The following MTUS2 variants were observed in gnomAD, a reference collection of about 807,000 sequenced individuals.
MTUS2 encodes the protein microtubule associated scaffold protein 2.
MTUS2 carries 40 observed loss-of-function variants against 114.1 expected under a neutral mutation model. The ratio of observed to expected loss-of-function variants is 0.35; its 90% confidence interval spans 0.27 to 0.46. The LOEUF is 0.46. Ranked by LOEUF, MTUS2 falls within the 20% of genes least tolerant of loss-of-function variation. MTUS2 has a pLI of 1.00. For synonymous variants in MTUS2, 688 were observed against 672.0 expected, an observed-to-expected ratio of 1.02 and a Z score of -0.37; for missense variants, 1,679 against 1,705.4, an observed-to-expected ratio of 0.98 and a Z score of 0.27.
At chr13:29,258,935 G>T (rs1897370178) in intron 5 of MTUS2, among the ~76,000 whole-genome samples, 1 of 152,260 alleles carries the variant, frequency 6.6e-6, no homozygotes. Context: ...CTGCCCTTCA[G>T]CCATGTGTTC....
intron 4 of MTUS2, among the ~76,000 whole-genome samples, chr13:29,072,537 T>C (rs1888989176): frequency 6.6e-6 from 1 of 152,226 alleles, no homozygotes; most frequent in South Asian, 2.1e-4. Context: ...AGACTTCTTA[T>C]GTCATCATAC....
intron 8 of MTUS2, among the ~76,000 whole-genome samples, chr13:29,391,880 A>G (rs1231328282): frequency 2.0e-5 from 3 of 151,948 alleles, no homozygotes; most frequent in African/African-American, 2.4e-5. Context: ...GCTCACACCT[A>G]TAATAGCACT....
intron 2 of MTUS2, among the ~76,000 whole-genome samples, chr13:28,971,840 A>G (rs1036226703): frequency 6.6e-6 from 1 of 152,222 alleles, no homozygotes; most frequent in African/African-American, 2.4e-5. Context: ...CAGGACACAA[A>G]TTGAGATGTT....
intron 2 of MTUS2, among the ~76,000 whole-genome samples, chr13:28,980,095 G>A (rs927709201): frequency 1.3e-5 from 2 of 152,104 alleles, no homozygotes; most frequent in African/African-American, 4.8e-5. Flanking sequence ...GATGAATTTT[G>A]AAAAGGAAGT....
intron 5 of MTUS2, among the ~76,000 whole-genome samples, chr13:29,209,912 A>G (rs1437290213): frequency 6.6e-6 from 1 of 152,156 alleles, no homozygotes; most frequent in East Asian, 1.9e-4. Context: ...TGCCTAGGCA[A>G]TTATCTTTTT....
At chr13:29,169,830 A>G (rs995608601) in intron 5 of MTUS2, among the ~76,000 whole-genome samples, 2 of 152,292 alleles carry the variant, frequency 1.3e-5, no homozygotes, top group Admixed American at 1.3e-4. Context: ...GGTAAAGGTG[A>G]TGGCAAGCGA....
At chr13:28,933,535 C>T (rs907439263) in intron 2 of MTUS2, among the ~76,000 whole-genome samples, 3 of 152,238 alleles carry the variant, frequency 2.0e-5, no homozygotes, top group Non-Finnish European at 4.4e-5. Context: ...GGTGTTTGGG[C>T]GCTATAACCT....
Position 28,826,973 on chromosome 13 carries a change from C to T in MTUS2, c.-316+6362C>T, listed in dbSNP as rs536283504. 1.7e-4 allele frequency among the ~76,000 whole-genome samples: 26 copies of T among 152,290 alleles called. No individual in the cohort carries two copies. In the South Asian group the frequency reaches 5.4e-3, roughly 32 times the overall value. ...TCATCCTGAATTAATTATCTTTGTG[C>T]TAAGCTGTTTGACATTACTCATTGA... On this transcript the variant is annotated intron_variant, in intron 1 of 15. Coordinates refer to ENST00000612955, the MANE Select transcript of MTUS2 (RefSeq NM_001033602.4).
intron 5 of MTUS2, among the ~76,000 whole-genome samples, chr13:29,154,031 G>A (rs921660145): frequency 5.3e-4 from 80 of 152,208 alleles, no homozygotes; most frequent in African/African-American, 1.9e-3. Flanking sequence ...AGGTGTTGGA[G>A]GGTGGTGCAT....
At chr13:29,234,724 A>T (rs1279178995) in intron 5 of MTUS2, among the ~76,000 whole-genome samples, 1 of 34,406 alleles carries the variant, frequency 2.9e-5, no homozygotes, top group Non-Finnish European at 5.3e-5. Context: ...ATAGTATAGC[A>T]TTTAGGTGGT....
At chr13:28,989,236 C>G (rs1884715974) in intron 2 of MTUS2, among the ~76,000 whole-genome samples, 1 of 152,126 alleles carries the variant, frequency 6.6e-6, no homozygotes, top group African/African-American at 2.4e-5. Context: ...CAGGCAGGCT[C>G]AGGAAAATGG....
intron 2 of MTUS2, among the ~76,000 whole-genome samples, chr13:28,952,198 T>TAC (rs958210338): frequency 4.5e-4 from 68 of 152,336 alleles, no homozygotes; most frequent in African/African-American, 1.5e-3. Context: ...GGTACAAAGA[T>TAC]ACGTAGGTAA....
intron 2 of MTUS2, among the ~76,000 whole-genome samples, chr13:28,963,660 C>T (rs1476327354): frequency 6.6e-6 from 1 of 152,136 alleles, no homozygotes; most frequent in Non-Finnish European, 1.5e-5. Context: ...TCACACAGTC[C>T]CCTATGCAGA....
intron 2 of MTUS2, among the ~76,000 whole-genome samples, chr13:28,895,264 G>A (rs1879197882): frequency 6.6e-6 from 1 of 152,200 alleles, no homozygotes; most frequent in African/African-American, 2.4e-5. Context: ...TTGGAAGAGA[G>A]CATGTCCTCT....
At chr13:29,159,356 C>T (rs1566038710) in intron 5 of MTUS2, among the ~76,000 whole-genome samples, 2 of 151,996 alleles carry the variant, frequency 1.3e-5, no homozygotes, top group Non-Finnish European at 2.9e-5. Context: ...TACACATAGA[C>T]ACATACATAC....
intron 8 of MTUS2, among the ~76,000 whole-genome samples, chr13:29,432,010 ATTTTTTTTTTTT>A (rs57182093): frequency 1.2e-5 from 1 of 81,038 alleles, no homozygotes; most frequent in Non-Finnish European, 2.5e-5. Context: ...ACGCTCAGCT[ATTTTTTTTTTTT>A]TTTTTTTTTT....
intron 8 of MTUS2, among the ~76,000 whole-genome samples, chr13:29,431,686 C>A (rs1468765988): frequency 6.6e-6 from 1 of 152,080 alleles, no homozygotes; most frequent in African/African-American, 2.4e-5. Context: ...GAATGTATTC[C>A]AAGCAAGGAG....
chr13:29,207,356 A>C (rs1895233382), intron 5 of MTUS2, among the ~76,000 whole-genome samples: 1 of 152,194 alleles, frequency 6.6e-6, no homozygotes, highest in South Asian at 2.1e-4. Context: ...GTATACCATT[A>C]TATCATTGGT....
intron 6 of MTUS2, chr13:29,307,895 T>C (rs1026081641): frequency 3.6e-5 from 20 of 547,972 alleles, no homozygotes; most frequent in Non-Finnish European, 5.3e-5. Context: ...CCTCAGAGTT[T>C]CCATGCAGAT....
Sources: gnomAD v4.1 joint callset for allele counts (sites outside exome capture counted in the v4.1 genomes callset) on GRCh38, gnomAD v4.1.1 for gene constraint, MANE v1.5 for transcripts, NCBI Gene and HGNC (gene_info 2026-07-23, HGNC 2026-07-21) for gene names.